The following LMX1B variants were observed in gnomAD, a reference collection of about 807,000 sequenced individuals.
The protein encoded by LMX1B is LIM homeobox transcription factor 1-beta.
Under a neutral mutation model 51.4 loss-of-function variants are expected in LMX1B, and 12 were observed. That is an observed-to-expected ratio of 0.23 (90% CI 0.15 to 0.38). The LOEUF is 0.38. LMX1B is among the 10% of genes least tolerant of loss of function. The pLI is 1.00. For missense variants in LMX1B, 445 were observed against 571.1 expected (o/e 0.78, Z 2.25); for synonymous variants, 237 against 235.4 (o/e 1.01, Z -0.06).
chr9:126,655,049 T>C (rs1161854189), intron 2 of LMX1B, among the ~76,000 whole-genome samples: 12 of 152,194 alleles, frequency 7.9e-5, no homozygotes, highest in Non-Finnish European at 1.8e-4. Flanking sequence ...CCCTGTGAAA[T>C]GGGGCGGTGG....
intron 2 of LMX1B, among the ~76,000 whole-genome samples, chr9:126,632,273 G>T (rs1366890135): frequency 6.6e-6 from 1 of 152,194 alleles, no homozygotes; most frequent in Non-Finnish European, 1.5e-5. Context: ...GGCAGCAAGA[G>T]TGTGTGCCAG....
At chr9:126,633,473 G>T (rs1835665001) in intron 2 of LMX1B, among the ~76,000 whole-genome samples, 1 of 152,210 alleles carries the variant, frequency 6.6e-6, no homozygotes, top group African/African-American at 2.4e-5. Flanking sequence ...GGCATGGGTG[G>T]GTGGGTTGCA....
intron 2 of LMX1B, among the ~76,000 whole-genome samples, chr9:126,648,044 T>A (rs977803106): frequency 1.3e-5 from 2 of 152,248 alleles, no homozygotes; most frequent in Non-Finnish European, 2.9e-5. Flanking sequence ...TGGCCCTGAC[T>A]CTATGCACAA....
chr9:126,620,610 C>T (rs188423077), intron 2 of LMX1B, among the ~76,000 whole-genome samples: 5 of 152,036 alleles, frequency 3.3e-5, no homozygotes, highest in Admixed American at 6.5e-5. Flanking sequence ...TGGGGGCAGA[C>T]GGGTGTGCTG....
chr9:126,653,400 C>T (rs1836057758), intron 2 of LMX1B, among the ~76,000 whole-genome samples: 1 of 152,092 alleles, frequency 6.6e-6, no homozygotes, highest in Admixed American at 6.5e-5. Flanking sequence ...AATTGCTCTG[C>T]CTGCCTTGAC....
chr9:126,621,314 G>A (rs1202606143), intron 2 of LMX1B, among the ~76,000 whole-genome samples: 2 of 152,204 alleles, frequency 1.3e-5, no homozygotes, highest in African/African-American at 4.8e-5. Flanking sequence ...GAGGACCCAG[G>A]GCCCTTGGCT....
At chr9:126,636,515 G>A (rs1447430327) in intron 2 of LMX1B, among the ~76,000 whole-genome samples, 1 of 152,090 alleles carries the variant, frequency 6.6e-6, no homozygotes, top group Non-Finnish European at 1.5e-5. Flanking sequence ...CTAAGCAGGG[G>A]GGTGTCATGT....
At chr9:126,628,055 C>T (rs1288216545) in intron 2 of LMX1B, among the ~76,000 whole-genome samples, 1 of 152,212 alleles carries the variant, frequency 6.6e-6, no homozygotes, top group South Asian at 2.1e-4. Flanking sequence ...CACGGGGCCA[C>T]GTGGCTTGGG....
chr9:126,615,618 C>T lies in LMX1B; in HGVS notation c.326+49C>T, dbSNP rs1309256701. On this transcript the variant is annotated intron_variant, in intron 2 of 7. Transcript: ENST00000373474. The surrounding 1 kb of genome is among the most constrained non-coding windows in gnomAD (Gnocchi z 6.0). ...CCCGCCACCGCCCGGCACTCGAGCC[C>T]GGTCAGCCCCCTGCCGGGCCCGGCC... The T allele has an allele frequency of 7.8e-6, 12 of 1,537,348 alleles. No homozygotes were observed. Among genetic ancestry groups the T allele is most frequent in the Middle Eastern group, 1.7e-4 (1 of 5,924 alleles).
chr9:126,629,870 G>C (rs1356538406), intron 2 of LMX1B, among the ~76,000 whole-genome samples: 1 of 151,902 alleles, frequency 6.6e-6, no homozygotes, highest in Non-Finnish European at 1.5e-5. Flanking sequence ...GGTTGGCCGG[G>C]TGTGGTGGCT....
In LMX1B at chr9:126,625,588, A is replaced by C. The variant is rs866819411; in HGVS notation, c.326+10019A>C. ...AGCGCTCGCACTCCTGCAGGTCTCC[A>C]GGGTTGGCCATTCCCGGCTGCATGC... On this transcript the variant is annotated intron_variant, in intron 2 of 7. Transcript: ENST00000373474. This position sits in a 1 kb window ranked among gnomAD's most constrained non-coding sequence, Gnocchi z 5.3. Among the ~76,000 whole-genome samples the C allele has an allele frequency of 1.4e-4, 22 of 152,156 alleles. No individual in the cohort carries two copies. The highest frequency in any genetic ancestry group is 5.1e-4 in the African/African-American group (21 of 41,442).
intron 2 of LMX1B, among the ~76,000 whole-genome samples, chr9:126,621,473 G>GAA (rs1835408020): frequency 6.6e-6 from 1 of 152,216 alleles, no homozygotes; most frequent in Admixed American, 6.5e-5. Context: ...GGCTAAGGCT[G>GAA]AAAACCATAT....
In LMX1B at chr9:126,678,765, A is replaced by C. The variant is rs191280739; in HGVS notation, c.327-12071A>C. On this transcript the variant is annotated intron_variant, in intron 2 of 7. Transcript: ENST00000373474. ...ACCTGATGCTAGAGGAAAGCTTTATAGAAAATTTTTCATGAAAAATAATTA... is the reference window on the plus strand; with the variant it reads ...ACCTGATGCTAGAGGAAAGCTTTATCGAAAATTTTTCATGAAAAATAATTA... 2.2e-3 allele frequency among the ~76,000 whole-genome samples: 331 copies of C among 152,358 alleles called. 1 individual carries two copies. Among genetic ancestry groups the C allele is most frequent in the Admixed American group, 4.4e-3 (68 of 15,310 alleles).
intron 2 of LMX1B, among the ~76,000 whole-genome samples, chr9:126,678,318 AAAAC>A (rs796332780): frequency 0.068 from 9,867 of 145,056 alleles, 1,056 homozygotes; most frequent in African/African-American, 0.24. Flanking sequence ...TCAAAAAAAA[AAAAC>A]AAAAAACAAA....
Position 126,693,616 on chromosome 9 carries a change from C to G in LMX1B, c.819+15C>G, listed in dbSNP as rs989131995. 9.9e-6 allele frequency: 16 copies of G among 1,613,768 alleles called. No homozygotes were observed. The highest frequency in any genetic ancestry group is 1.7e-5 in the Admixed American group (1 of 60,002). On this transcript the variant is annotated intron_variant, in intron 5 of 7. Transcript: ENST00000373474. ...AAAGAGCAAAGGTAAGAGGCCACCCCCCATCCCCACTGGCCCCGGGTAGGG... is the reference window on the plus strand; with the variant it reads ...AAAGAGCAAAGGTAAGAGGCCACCCGCCATCCCCACTGGCCCCGGGTAGGG...
intron 2 of LMX1B, among the ~76,000 whole-genome samples, chr9:126,624,920 A>G (rs1835491548): frequency 6.6e-6 from 1 of 152,092 alleles, no homozygotes; most frequent in Admixed American, 6.5e-5. Context: ...CCGGCCATTA[A>G]ATGTAACTTT....
intron 6 of LMX1B, among the ~76,000 whole-genome samples, chr9:126,694,617 T>A (rs2030260750): frequency 6.6e-6 from 1 of 152,194 alleles, no homozygotes; most frequent in Non-Finnish European, 1.5e-5. Flanking sequence ...CAGAGCTGCC[T>A]GCGCCCTGGT....
chr9:126,650,769 G>A (rs1043319700), intron 2 of LMX1B, among the ~76,000 whole-genome samples: 4 of 152,212 alleles, frequency 2.6e-5, no homozygotes, highest in Non-Finnish European at 4.4e-5. Context: ...AACTTGCTGC[G>A]CATCCTTTCT....
At chr9:126,693,428 C>T in intron 4 of LMX1B, 96 bp from the exon 5 acceptor site, 2 of 1,540,826 alleles carry the variant, frequency 1.3e-6, no homozygotes, top group South Asian at 1.1e-5. Flanking sequence ...TCCCTCCATC[C>T]TCCATCTCTC....
Sources: allele counts gnomAD v4.1 joint callset (sites outside exome capture counted in the v4.1 genomes callset), GRCh38; gene constraint gnomAD v4.1.1; non-coding constraint Gnocchi (gnomAD v3.1); transcripts MANE v1.5; gene names NCBI Gene and HGNC (gene_info 2026-07-23, HGNC 2026-07-21).